Variants in F10 observed in about 807,000 individuals in gnomAD.
F10 encodes Stuart-Prower factor.
A neutral mutation model predicts 37.1 loss-of-function variants in F10; 29 were observed. The observed-to-expected ratio is 0.78, with a 90% CI of 0.58 to 1.07. The LOEUF (loss-of-function observed/expected upper bound fraction) is 1.07. Among genes scored for constraint, F10 ranks in the 50% least tolerant of loss-of-function variants. The probability of loss-of-function intolerance (pLI) is 0.00; values close to 1 mark genes in which losing one functional copy is unlikely to be tolerated. For missense variants in F10, 539 were observed against 667.9 expected, an observed-to-expected ratio of 0.81 and a Z score of 2.13; for synonymous variants, 262 against 268.6, an observed-to-expected ratio of 0.98 and a Z score of 0.24.
At position 113,139,540 on chromosome 13, in the gene F10, A is replaced by C; in HGVS notation, c.370+70A>C. The C allele has an allele frequency of 8.7e-7, 1 of 1,152,808 alleles. No homozygotes were observed. The highest frequency in any genetic ancestry group is 1.3e-6 in the Non-Finnish European group (1 of 767,792). 71.4% of individuals were successfully genotyped at this position (1,152,808 alleles called of 1,614,324 possible). ...AGAGTGGCAGGTGGGCGGGGGAAGA[A>C]GTGAAAACGCCTAATGAAACAATCT... On this transcript the variant is annotated intron_variant, in intron 4 of 7. Transcript: ENST00000375559. The surrounding 1 kb of genome is among the most constrained non-coding windows in gnomAD (Gnocchi z 5.2).
chr13:113,126,439 G>A (rs2036370911), intron 1 of F10, among the ~76,000 whole-genome samples: 1 of 152,144 alleles, frequency 6.6e-6, no homozygotes, highest in Non-Finnish European at 1.5e-5. Context: ...GATGCCAAGG[G>A]GAACAGAGCT....
chr13:113,147,308 G>A, intron 6 of F10, 71 bp from the exon 7 acceptor site: 1 of 1,032,330 alleles, frequency 9.7e-7, no homozygotes, highest in Non-Finnish European at 1.5e-6. Context: ...GCCACCTGAA[G>A]AGCTGGCTTC....
chr13:113,123,534 C>T (rs1411161044), intron 1 of F10, among the ~76,000 whole-genome samples: 5 of 152,250 alleles, frequency 3.3e-5, no homozygotes, highest in East Asian at 1.9e-4. Context: ...CTGGGGACAG[C>T]GGAGGAAGAG....
intron 1 of F10, chr13:113,128,954 G>A (rs1046474060): frequency 3.6e-5 from 6 of 168,930 alleles, no homozygotes; most frequent in African/African-American, 1.2e-4. Flanking sequence ...GAATGGTAAG[G>A]GGGTTCTCTA....
rs1419476813 is a variant in F10, at chr13:113,144,800, ACCT to A, written c.747+709_747+711del. ...GCGATCTCGGCTCACTGCAACCTCC[ACCT>A]CCTGGGTTCAAGCGATTCTCATGCC... On this transcript the variant is annotated intron_variant, in intron 6 of 7. Coordinates refer to ENST00000375559, the MANE Select transcript of F10 (RefSeq NM_000504.4). This position sits in a 1 kb window ranked among gnomAD's most constrained non-coding sequence, Gnocchi z 6.4. Among the ~76,000 whole-genome samples the A allele has an allele frequency of 6.6e-6, 1 of 151,446 alleles. No individual in the cohort carries two copies. The highest frequency in any genetic ancestry group is 1.5e-5 in the Non-Finnish European group (1 of 67,948).
Position 113,141,100 on chromosome 13 carries a change from G to A in F10, c.502+50G>A, listed in dbSNP as rs2036523958. 1.2e-6 allele frequency: 2 copies of A among 1,608,934 alleles called. No individual in the cohort carries two copies. The highest frequency in any genetic ancestry group is 1.7e-6 in the Non-Finnish European group (2 of 1,179,444). The stretch of plus-strand genomic sequence containing the variant: ...CACCCGCTGCCGCTGGGCCGGGCCA[G>A]GGAGGACAAGCCCGTGCCAGGGGGT... On this transcript the variant is annotated intron_variant, in intron 5 of 7. Transcript: ENST00000375559. The surrounding 1 kb of genome is among the most constrained non-coding windows in gnomAD (Gnocchi z 5.4).
chr13:113,125,109 G>A (rs2036358325), intron 1 of F10, among the ~76,000 whole-genome samples: 1 of 152,204 alleles, frequency 6.6e-6, no homozygotes, highest in South Asian at 2.1e-4. Flanking sequence ...TTAAGGTCAG[G>A]TTCTGAGGTT....
chr13:113,126,626 C>T (rs1019393324), intron 1 of F10, among the ~76,000 whole-genome samples: 2 of 152,128 alleles, frequency 1.3e-5, no homozygotes, highest in African/African-American at 4.8e-5. Context: ...ATATGTCCAT[C>T]TGGCCACAAG....
chr13:113,147,519 G>A (rs761145948), intron 7 of F10, 23 bp downstream of exon 7: 1 of 1,426,202 alleles, frequency 7.0e-7, no homozygotes, highest in South Asian at 1.1e-5. Context: ...CAGCCCCCAG[G>A]GCCGTGGTGA....
chr13:113,141,035 G>T lies in F10; in HGVS notation c.487G>T (p.Ala163Ser). 1 of 1,613,894 alleles carries T rather than the reference G, an allele frequency of 6.2e-7. No individual in the cohort carries two copies. The highest frequency in any genetic ancestry group is 8.5e-7 in the Non-Finnish European group (1 of 1,180,032). Residue 163 changes from alanine (A) to serine (S), a missense_variant, in exon 5 of 8, where the codon GCC (alanine) becomes TCC (serine). By Grantham distance (99) the Ala-to-Ser change is moderately conservative (BLOSUM62 1). Transcript: ENST00000375559. The surrounding 1 kb of genome is among the most constrained non-coding windows in gnomAD (Gnocchi z 5.4). ...RGYTLADNGKACIPTGPYPCG... is the reference protein window; with the variant it reads ...RGYTLADNGKSCIPTGPYPCG... ...GTACACCCTGGCTGACAACGGCAAGGCCTGCATTCCCACAGGTAGGAGGCA... is the reference window on the plus strand; with the variant it reads ...GTACACCCTGGCTGACAACGGCAAGTCCTGCATTCCCACAGGTAGGAGGCA...
chr13:113,146,511 C>T lies in F10; in HGVS notation c.748-868C>T, dbSNP rs1020941879. On this transcript the variant is annotated intron_variant, in intron 6 of 7. Coordinates refer to ENST00000375559, the MANE Select transcript of F10 (RefSeq NM_000504.4). The surrounding 1 kb of genome is among the most constrained non-coding windows in gnomAD (Gnocchi z 4.5). ...GGTTTGCGATTCTTGTTTCCTGGTT[C>T]GAGTCTTGGCAAGTGGGCCTCATCT... Among the ~76,000 whole-genome samples the T allele has an allele frequency of 6.6e-6, 1 of 152,112 alleles. No individual in the cohort carries two copies. Among genetic ancestry groups the T allele is most frequent in the East Asian group, 1.9e-4 (1 of 5,192 alleles).
intron 6 of F10, among the ~76,000 whole-genome samples, chr13:113,145,115 G>T (rs532022407): frequency 1.3e-5 from 2 of 152,132 alleles, no homozygotes; most frequent in Non-Finnish European, 2.9e-5. Flanking sequence ...CTCCTGACCT[G>T]GTGATCTGCC....
chr13:113,123,026 G>T (rs1013552421), intron 1 of F10, 101 bp downstream of exon 1: 9 of 1,350,782 alleles, frequency 6.7e-6, no homozygotes, highest in Non-Finnish European at 9.2e-6. Context: ...GACGGTGGGT[G>T]CCTTGAGTGC....
intron 1 of F10, 81 bp from the exon 2 acceptor site, chr13:113,129,371 A>G (rs926843302): frequency 1.3e-6 from 2 of 1,564,234 alleles, no homozygotes; most frequent in African/African-American, 1.4e-5. Flanking sequence ...GGCAAGGGAC[A>G]TGGCAGTCAG....
intron 2 of F10, chr13:113,131,561 T>G (rs1268406155): frequency 6.6e-6 from 1 of 152,270 alleles, no homozygotes; most frequent in African/African-American, 2.4e-5. Flanking sequence ...ACTCAAAAAA[T>G]TATTGGTGAT....
intron 1 of F10, among the ~76,000 whole-genome samples, chr13:113,129,194 G>A (rs140880033): frequency 1.3e-5 from 2 of 152,326 alleles, no homozygotes; most frequent in East Asian, 1.9e-4. Flanking sequence ...TCCAAAGGAA[G>A]AAATAATGAG....
In F10 at chr13:113,129,569, C is replaced by T. The variant is rs1378757283; in HGVS notation, c.188C>T (p.Ser63Leu). 3 of 1,614,234 alleles carry T rather than the reference C, an allele frequency of 1.9e-6. No homozygotes were observed. Among genetic ancestry groups the T allele is most frequent in the Non-Finnish European group, 2.5e-6 (3 of 1,180,040 alleles). Reference protein sequence around the residue: ...LERECMEETCSYEEAREVFED... With the variant: ...LERECMEETCLYEEAREVFED... Reference sequence around the variant, plus strand: ...AGAGAGTGCATGGAAGAGACCTGCTCATACGAAGAGGCCCGCGAGGTCTTT... The same window carrying T: ...AGAGAGTGCATGGAAGAGACCTGCTTATACGAAGAGGCCCGCGAGGTCTTT... The change falls in exon 2 of 8, where the codon TCA becomes TTA. Residue 63 changes from serine (S) to leucine (L), a missense_variant. Coordinates refer to ENST00000375559, the MANE Select transcript of F10 (RefSeq NM_000504.4).
At chr13:113,132,155 ATTAC>A (rs1306291177) in intron 2 of F10, 1 of 152,240 alleles carries the variant, frequency 6.6e-6, no homozygotes, top group Non-Finnish European at 1.5e-5. Context: ...ATTCCTTTTT[ATTAC>A]TTGTTAGCAA....
At chr13:113,135,100 G>A (rs1380819751) in intron 2 of F10, among the ~76,000 whole-genome samples, 4 of 151,960 alleles carry the variant, frequency 2.6e-5, no homozygotes, top group African/African-American at 7.3e-5. Flanking sequence ...AAAATTAGCT[G>A]GGCGTGGTGG....
Sources: allele counts gnomAD v4.1 joint callset (sites outside exome capture counted in the v4.1 genomes callset), GRCh38; gene constraint gnomAD v4.1.1; non-coding constraint Gnocchi (gnomAD v3.1); transcripts MANE v1.5; gene names NCBI Gene and HGNC (gene_info 2026-07-23, HGNC 2026-07-21).